Variants in BMAL2 observed in about 807,000 individuals in gnomAD.
BMAL2 encodes the protein basic helix-loop-helix ARNT like 2.
chr12:27,410,217 C>T, the BMAL2 span, among the ~76,000 whole-genome samples: 2 of 152,100 alleles, frequency 1.3e-5, no homozygotes, highest in African/African-American at 4.8e-5. Context: ...ACTAGAAATA[C>T]CATTTGACCC....
chr12:27,363,351 C>T, the BMAL2 span, among the ~76,000 whole-genome samples: 2 of 152,104 alleles, frequency 1.3e-5, no homozygotes, highest in African/African-American at 2.4e-5. Context: ...AGGGGAATGC[C>T]AAGTCATATA....
At chr12:27,332,927 G>T in the BMAL2 span, 1 of 435,322 alleles carries the variant, frequency 2.3e-6, no homozygotes, top group Non-Finnish European at 3.3e-6. Context: ...TACGGGCTGC[G>T]GTGGCGGCCG....
the BMAL2 span, among the ~76,000 whole-genome samples, chr12:27,364,950 G>C: frequency 3.5e-3 from 533 of 152,098 alleles, 1 homozygote; most frequent in Non-Finnish European, 6.5e-3. Flanking sequence ...ACTTTGGATA[G>C]AAAGGCAATT....
At chr12:27,409,838 C>T in the BMAL2 span, among the ~76,000 whole-genome samples, 1 of 152,158 alleles carries the variant, frequency 6.6e-6, no homozygotes. Flanking sequence ...TTTTTGCAAT[C>T]TACTCATCGG....
At chr12:27,339,378 G>A in the BMAL2 span, among the ~76,000 whole-genome samples, 1 of 152,144 alleles carries the variant, frequency 6.6e-6, no homozygotes, top group Non-Finnish European at 1.5e-5. Context: ...AACCTAGGTT[G>A]ATTCCATGTC....
At chr12:27,403,533 T>A in the BMAL2 span, 1 of 1,578,316 alleles carries the variant, frequency 6.3e-7, no homozygotes, top group East Asian at 2.2e-5. Context: ...AAATTCTGGA[T>A]TTACAGAGGT....
the BMAL2 span, among the ~76,000 whole-genome samples, chr12:27,415,001 T>C: frequency 2.0e-5 from 3 of 152,260 alleles, no homozygotes; most frequent in East Asian, 5.8e-4. Flanking sequence ...ATCTCTCTTA[T>C]GTGCAGAATC....
At chr12:27,333,588 G>A in the BMAL2 span, among the ~76,000 whole-genome samples, 1 of 152,246 alleles carries the variant, frequency 6.6e-6, no homozygotes, top group Admixed American at 6.5e-5. Flanking sequence ...CCTCCCCTCT[G>A]AGCTGATAAT....
At chr12:27,365,053 C>A in the BMAL2 span, among the ~76,000 whole-genome samples, 2 of 151,946 alleles carry the variant, frequency 1.3e-5, no homozygotes, top group African/African-American at 4.8e-5. Flanking sequence ...TCTATGTAGT[C>A]AATCATATCA....
At chr12:27,392,133 G>C in the BMAL2 span, among the ~76,000 whole-genome samples, 1 of 152,184 alleles carries the variant, frequency 6.6e-6, no homozygotes, top group Non-Finnish European at 1.5e-5. Context: ...AAAGGGTTTA[G>C]ATTTGAATCC....
At chr12:27,384,854 T>C in the BMAL2 span, among the ~76,000 whole-genome samples, 28 of 152,294 alleles carry the variant, frequency 1.8e-4, no homozygotes, top group Admixed American at 3.3e-4. Context: ...AAACCACAGC[T>C]AACGGGGGAC....
At chr12:27,420,666 T>C in the BMAL2 span, 5 of 1,063,862 alleles carry the variant, frequency 4.7e-6, no homozygotes, top group African/African-American at 8.3e-5. Flanking sequence ...TTTTATAGAT[T>C]TGCATCTTCC....
chr12:27,377,613 G>T, the BMAL2 span: 1 of 152,166 alleles, frequency 6.6e-6, no homozygotes, highest in African/African-American at 2.4e-5. Context: ...TAATCAAATT[G>T]CTCTGTAATC....
the BMAL2 span, among the ~76,000 whole-genome samples, chr12:27,372,229 TCAA>T: frequency 7.0e-5 from 1 of 14,330 alleles, no homozygotes. Flanking sequence ...AGACTCTATC[TCAA>T]AAAAAAAAAA....
chr12:27,349,023 T>G, the BMAL2 span, among the ~76,000 whole-genome samples: 1 of 152,204 alleles, frequency 6.6e-6, no homozygotes, highest in South Asian at 2.1e-4. Context: ...TGACTTTGTT[T>G]TGACAGATGA....
the BMAL2 span, among the ~76,000 whole-genome samples, chr12:27,397,512 G>T: frequency 3.3e-5 from 5 of 152,158 alleles, no homozygotes; most frequent in African/African-American, 1.2e-4. Context: ...ATTTTAATTG[G>T]AAGTTGAATT....
At chr12:27,393,352 C>T in the BMAL2 span, among the ~76,000 whole-genome samples, 1 of 152,184 alleles carries the variant, frequency 6.6e-6, no homozygotes, top group African/African-American at 2.4e-5. Flanking sequence ...TTGGAATCAC[C>T]TGGAAGGATT....
chr12:27,388,044 T>C, the BMAL2 span, among the ~76,000 whole-genome samples: 1 of 152,072 alleles, frequency 6.6e-6, no homozygotes, highest in Admixed American at 6.6e-5. Flanking sequence ...ACAAACCTCA[T>C]GATTCCACGT....
the BMAL2 span, among the ~76,000 whole-genome samples, chr12:27,346,254 TTTTG>T: frequency 3.3e-5 from 5 of 152,184 alleles, no homozygotes; most frequent in East Asian, 3.9e-4. Context: ...TAAACCTTTG[TTTTG>T]TTTGTTTGTT....
Sources: allele counts gnomAD v4.1 joint callset (sites outside exome capture counted in the v4.1 genomes callset), GRCh38; gene constraint gnomAD v4.1.1; transcripts MANE v1.5; gene names NCBI Gene and HGNC (gene_info 2026-07-23, HGNC 2026-07-21).